Variants in CSPP1 observed in about 807,000 individuals in gnomAD.
CSPP1 encodes the protein centrosome and spindle pole associated protein 1.
Under a neutral mutation model 164.4 loss-of-function variants are expected in CSPP1, and 126 were observed. The observed-to-expected ratio is 0.77, with a 90% CI of 0.66 to 0.89. The LOEUF is 0.89. CSPP1 is among the 40% of genes least tolerant of loss of function. CSPP1 has a pLI of 0.00. For missense variants in CSPP1, 1,395 were observed against 1,449.8 expected, an observed-to-expected ratio of 0.96 and a Z score of 0.61; for synonymous variants, 472 against 476.7, an observed-to-expected ratio of 0.99 and a Z score of 0.13.
intron 3 of CSPP1, chr8:67,083,548 A>AAAATATAT (rs1332248754): frequency 2.1e-4 from 19 of 91,478 alleles, no homozygotes; most frequent in South Asian, 7.2e-4. Flanking sequence ...AAAAAAAAAA[A>AAAATATAT]ATATATATAT....
At chr8:67,086,136 G>A (rs758797616) in intron 4 of CSPP1, 26 bp downstream of exon 4, 1 of 992,418 alleles carries the variant, frequency 1.0e-6, no homozygotes, top group African/African-American at 1.6e-5. Context: ...AATGAGTTGG[G>A]TTTAATGTTT....
chr8:67,077,618 C>A (rs1053325142), intron 3 of CSPP1, among the ~76,000 whole-genome samples: 1 of 152,212 alleles, frequency 6.6e-6, no homozygotes, highest in Admixed American at 6.5e-5. Context: ...GGGTTACAGG[C>A]GTGAGCCACT....
intron 9 of CSPP1, among the ~76,000 whole-genome samples, chr8:67,107,626 T>TA (rs1176407137): frequency 1.3e-5 from 2 of 152,208 alleles, no homozygotes; most frequent in East Asian, 1.9e-4. Flanking sequence ...ATAGGAAACT[T>TA]ACGATTTCCA....
At chr8:67,120,567 T>C (rs1351395935) in intron 15 of CSPP1, among the ~76,000 whole-genome samples, 1 of 152,256 alleles carries the variant, frequency 6.6e-6, no homozygotes, top group East Asian at 1.9e-4. Context: ...ATTGTATAGG[T>C]ATAGGTCTTT....
intron 3 of CSPP1, chr8:67,080,737 C>G (rs992531195): frequency 1.3e-5 from 2 of 152,174 alleles, no homozygotes; most frequent in Non-Finnish European, 2.9e-5. Context: ...CATAAGTATA[C>G]AAATTAGAAA....
At chr8:67,103,757 G>A (rs142104577) in intron 8 of CSPP1, among the ~76,000 whole-genome samples, 12,395 of 150,058 alleles carry the variant, frequency 0.083, 1,031 homozygotes, top group African/African-American at 0.22. Flanking sequence ...GGAGAATGGC[G>A]TGAACCCAGG....
intron 7 of CSPP1, among the ~76,000 whole-genome samples, chr8:67,100,013 T>A (rs1452607830): frequency 6.6e-6 from 1 of 152,168 alleles, no homozygotes; most frequent in Admixed American, 6.5e-5. Context: ...TTCATAAAAT[T>A]GAATAGTATC....
chr8:67,139,456 C>G (rs1823037016), intron 17 of CSPP1, among the ~76,000 whole-genome samples: 1 of 152,060 alleles, frequency 6.6e-6, no homozygotes, highest in Non-Finnish European at 1.5e-5. Flanking sequence ...GGATCTAGAA[C>G]TAGAAATACC....
At chr8:67,160,464 CAAAAA>C (rs1206237868) in intron 21 of CSPP1, among the ~76,000 whole-genome samples, 2 of 77,762 alleles carry the variant, frequency 2.6e-5, no homozygotes, top group Non-Finnish European at 5.2e-5. Context: ...GACTCCATCT[CAAAAA>C]AAAAAAAAAA....
At chr8:67,105,873 T>C in intron 8 of CSPP1, 32 bp from the exon 9 acceptor site, 2 of 1,249,990 alleles carry the variant, frequency 1.6e-6, no homozygotes, top group Admixed American at 1.8e-5. Context: ...TGGATTTTAA[T>C]TTACTCTTTT....
intron 7 of CSPP1, among the ~76,000 whole-genome samples, chr8:67,101,154 C>T (rs1050426678): frequency 2.0e-5 from 3 of 152,124 alleles, no homozygotes; most frequent in African/African-American, 7.2e-5. Context: ...GCCAGGAAAG[C>T]GATTAGACAC....
In CSPP1 at chr8:67,118,275, A is replaced by G. The variant is rs756441690; in HGVS notation, c.1524A>G (p.Leu508=). ...PRIAPLPPPP[L]LPPLATNYRT... is the part of the protein sequence containing the mutation. ...TTGCACCTCTGCCTCCACCTCCCCT[A>G]CTACCACCTTTGGCTACTAACTATC... The change falls in exon 14 of 31, where the codon CTA becomes CTG. Residue 508 remains leucine (L), a synonymous_variant. Coordinates refer to ENST00000678616, the MANE Select transcript of CSPP1 (RefSeq NM_001382391.1). 18 of 1,613,474 alleles carry G rather than the reference A, an allele frequency of 1.1e-5. No homozygotes were observed. The highest frequency in any genetic ancestry group is 1.4e-5 in the Non-Finnish European group (16 of 1,179,634).
intron 24 of CSPP1, among the ~76,000 whole-genome samples, chr8:67,172,188 G>A (rs1236121275): frequency 6.8e-6 from 1 of 147,732 alleles, no homozygotes; most frequent in African/African-American, 2.5e-5. Context: ...TAGCGAGGGG[G>A]TCTTGCTTTA....
At chr8:67,121,052 A>G (rs1007428355) in intron 15 of CSPP1, among the ~76,000 whole-genome samples, 20 of 152,014 alleles carry the variant, frequency 1.3e-4, no homozygotes, top group African/African-American at 4.8e-4. Context: ...ACAGGGTTTC[A>G]CCATGTTGGC....
At chr8:67,106,211 A>G (rs1815496930) in intron 9 of CSPP1, among the ~76,000 whole-genome samples, 1 of 152,086 alleles carries the variant, frequency 6.6e-6, no homozygotes, top group South Asian at 2.1e-4. Context: ...ATGTTCATGA[A>G]CACATCTATG....
At position 67,074,141 on chromosome 8, in the gene CSPP1, G is replaced by T. The variant is rs1045659287; in HGVS notation, c.-10-102G>T. 6.4e-6 allele frequency: 4 copies of T among 625,866 alleles called. No individual in the cohort carries two copies. The African/African-American group carries it at 7.5e-5, about 12-fold the overall frequency. The allele number at this position is 625,866 out of a possible 1,614,324, so 38.8% of individuals were successfully genotyped here. A position where few individuals can be genotyped will look rare whatever the true frequency, so the allele number is the denominator to read the frequency against. On this transcript the variant is annotated intron_variant, in intron 1 of 30. Coordinates refer to ENST00000678616, the MANE Select transcript of CSPP1 (RefSeq NM_001382391.1). ...ATCTTAAGTTTGAATTTCTCAATTT[G>T]ATAAGTGAGATTGAAAACTAAATGT...
At chr8:67,193,374 G>A (rs1035844135) in intron 29 of CSPP1, 90 bp from the exon 30 acceptor site, 1 of 1,181,954 alleles carries the variant, frequency 8.5e-7, no homozygotes, top group African/African-American at 1.5e-5. Context: ...TGGGATCACA[G>A]GTGATAGGCA....
chr8:67,114,585 T>A (rs543592263), intron 12 of CSPP1: 2 of 152,420 alleles, frequency 1.3e-5, no homozygotes, highest in South Asian at 4.1e-4. Flanking sequence ...TCCTGTGGGT[T>A]ATCTATTTGG....
chr8:67,142,719 A>G (rs1823748892), intron 17 of CSPP1, among the ~76,000 whole-genome samples: 1 of 152,158 alleles, frequency 6.6e-6, no homozygotes, highest in Admixed American at 6.5e-5. Context: ...TAAGTGTTTA[A>G]CTTTGTAAGA....
Sources: gnomAD v4.1 joint callset for allele counts (sites outside exome capture counted in the v4.1 genomes callset) on GRCh38, gnomAD v4.1.1 for gene constraint, MANE v1.5 for transcripts, NCBI Gene and HGNC (gene_info 2026-07-23, HGNC 2026-07-21) for gene names.